Variants in DYNAP observed in about 807,000 individuals in gnomAD.
The protein encoded by DYNAP is dynactin associated protein, also known as dynactin-associated protein.
In DYNAP, 7 loss-of-function variants were observed where a neutral mutation model predicts 8.5. The ratio of observed to expected loss-of-function variants is 0.82; its 90% CI spans 0.47 to 1.54. The LOEUF is 1.54. Among genes scored for constraint, DYNAP ranks in the 40% most tolerant of loss-of-function variants. DYNAP has a pLI of 0.01. For synonymous variants in DYNAP, 77 were observed against 77.9 expected (o/e 0.99, Z 0.06); for missense variants, 256 against 224.3 (o/e 1.14, Z -0.90).
At position 54,597,823 on chromosome 18, in the gene DYNAP, A is replaced by G; in HGVS notation, c.233A>G (p.Tyr78Cys). ...TATATACATGCTTAGGTAAAAGAAT[A>G]TTGCCGCAATGACTGGTCTATGTGG... ...SESCNTQVKEYCRNDWSMWKV... is the reference protein window; with the variant it reads ...SESCNTQVKECCRNDWSMWKV... Residue 78 changes from tyrosine (Y) to cysteine (C), a missense_variant, in exon 3 of 3, where the codon TAT (tyrosine) becomes TGT (cysteine). By Grantham distance (194) the Tyr-to-Cys change is radical (BLOSUM62 -2). Transcript: ENST00000648945. 1 of 1,605,192 alleles carries G rather than the reference A, an allele frequency of 6.2e-7. No individual in the cohort carries two copies. The highest frequency in any genetic ancestry group is 1.1e-5 in the South Asian group (1 of 90,464).
chr18:54,576,948 A>C, the DYNAP span, among the ~76,000 whole-genome samples: 2 of 152,224 alleles, frequency 1.3e-5, no homozygotes, highest in African/African-American at 4.8e-5. Flanking sequence ...TTATTTGAAA[A>C]CTTTAAAATA....
At chr18:54,591,158 T>C (rs573102371), upstream of DYNAP, 19 of 1,578,900 alleles carry the variant, frequency 1.2e-5, no homozygotes, top group South Asian at 2.1e-4. Flanking sequence ...AATCCACACT[T>C]GTACTGATGC....
At chr18:54,580,472 A>G in the DYNAP span, among the ~76,000 whole-genome samples, 1 of 152,186 alleles carries the variant, frequency 6.6e-6, no homozygotes, top group Non-Finnish European at 1.5e-5. Flanking sequence ...AGCTACCACT[A>G]TTTCAGTTGA....
chr18:54,586,817 G>T (rs371725152), upstream of DYNAP, among the ~76,000 whole-genome samples: 1 of 152,310 alleles, frequency 6.6e-6, no homozygotes, highest in Middle Eastern at 3.4e-3. Context: ...GATTAGCTTT[G>T]AGCAGTGTGG....
chr18:54,593,756 C>T (rs1226802570), intron 1 of DYNAP, among the ~76,000 whole-genome samples: 3 of 152,096 alleles, frequency 2.0e-5, no homozygotes, highest in East Asian at 3.9e-4. Flanking sequence ...GAGACCCCAT[C>T]GCTATGAAAA....
upstream of DYNAP, among the ~76,000 whole-genome samples, chr18:54,585,082 G>A (rs73962616): frequency 2.0e-3 from 298 of 152,102 alleles, 1 homozygote; most frequent in African/African-American, 7.0e-3. Context: ...CATGAAACTG[G>A]GAGGACCATC....
At chr18:54,592,796 G>A (rs1599450190) in intron 1 of DYNAP, among the ~76,000 whole-genome samples, 1 of 152,106 alleles carries the variant, frequency 6.6e-6, no homozygotes, top group East Asian at 1.9e-4. Context: ...TGCAAACTGG[G>A]CCTAGATCAC....
At position 54,594,966 on chromosome 18, in the gene DYNAP, G is replaced by C. The variant is rs777720086; in HGVS notation, c.85G>C (p.Ala29Pro). 13 of 1,611,382 alleles carry C rather than the reference G, an allele frequency of 8.1e-6. No individual in the cohort carries two copies. The highest frequency in any genetic ancestry group is 1.1e-5 in the Non-Finnish European group (13 of 1,178,600). The change falls in exon 2 of 3, where the codon GCT (alanine) becomes CCT (proline). Residue 29 changes from alanine (A) to proline (P), a missense_variant. Ala to Pro is a conservative substitution (Grantham distance 27, BLOSUM62 -1). Coordinates refer to ENST00000648945, the MANE Select transcript of DYNAP (RefSeq NM_173629.3). Reference sequence around the variant, plus strand: ...AATCACACATCCAAATGACCAAGAGGCTCACAGTTCCATATGCTGGTGTCT... The same window carrying C: ...AATCACACATCCAAATGACCAAGAGCCTCACAGTTCCATATGCTGGTGTCT... ...PPITHPNDQE[A>P]HSSICWCLPS...
At chr18:54,588,913 G>T (rs1910971287), upstream of DYNAP, among the ~76,000 whole-genome samples, 1 of 152,072 alleles carries the variant, frequency 6.6e-6, no homozygotes, top group South Asian at 2.1e-4. Flanking sequence ...TTTTCACAAG[G>T]ATCTTTCATG....
intron 2 of DYNAP, among the ~76,000 whole-genome samples, chr18:54,595,590 T>C (rs377008679): frequency 6.6e-6 from 1 of 152,140 alleles, no homozygotes. Context: ...TTCTGGCCTC[T>C]GGTGTATACG....
In DYNAP at chr18:54,598,032, A is replaced by G. The variant is rs770910098; in HGVS notation, c.442A>G (p.Thr148Ala). Residue 148 changes from threonine (T) to alanine (A), a missense_variant, in exon 3 of 3, where the codon ACC becomes GCC. By Grantham distance (58) the Thr-to-Ala change is moderately conservative (BLOSUM62 0). Transcript: ENST00000648945. Reference protein sequence around the residue: ...TPSPACPPTMTTTSTVPASTA... With the variant: ...TPSPACPPTMATTSTVPASTA... ...CTCTCCTGCTTGTCCACCTACAATGACCACCACTTCAACTGTACCTGCAAG... is the reference window on the plus strand; with the variant it reads ...CTCTCCTGCTTGTCCACCTACAATGGCCACCACTTCAACTGTACCTGCAAG... The G allele has an allele frequency of 6.2e-7, 1 of 1,613,566 alleles. No homozygotes were observed. The highest frequency in any genetic ancestry group is 8.5e-7 in the Non-Finnish European group (1 of 1,179,770).
At chr18:54,592,150 A>G (rs1911101641) in intron 1 of DYNAP, among the ~76,000 whole-genome samples, 1 of 152,142 alleles carries the variant, frequency 6.6e-6, no homozygotes, top group African/African-American at 2.4e-5. Context: ...AGAATCCTAT[A>G]GAGGATTTCT....
the DYNAP span, among the ~76,000 whole-genome samples, chr18:54,581,466 G>A: frequency 6.6e-5 from 10 of 152,150 alleles, no homozygotes; most frequent in South Asian, 2.1e-4. Context: ...GCAGGAGTGC[G>A]GCAGGAATGT....
chr18:54,591,302 A>C lies in DYNAP; in HGVS notation c.20A>C (p.Lys7Thr). Residue 7 changes from lysine (K) to threonine (T), a missense_variant, in exon 1 of 3, where the codon AAA becomes ACA. Transcript: ENST00000648945. MDRKHG[K>T]YILNVEHSEN... ...TCAAGAATGGACAGAAAGCATGGAA[A>C]ATACATATTGAACGTTGAGCACTCT... is the stretch of plus-strand genomic sequence containing the variant. 1 of 1,612,380 alleles carries C rather than the reference A, an allele frequency of 6.2e-7. No individual in the cohort carries two copies. The highest frequency in any genetic ancestry group is 1.3e-5 in the African/African-American group (1 of 74,942).
chr18:54,576,428 T>C, the DYNAP span, among the ~76,000 whole-genome samples: 113 of 152,304 alleles, frequency 7.4e-4, 1 homozygote, highest in African/African-American at 2.3e-3. Context: ...TTAATTTTCA[T>C]CTGTCAGTGG....
the DYNAP span, among the ~76,000 whole-genome samples, chr18:54,576,999 T>C: frequency 6.6e-6 from 1 of 152,182 alleles, no homozygotes; most frequent in Non-Finnish European, 1.5e-5. Context: ...TGTGCTAGCT[T>C]TATGTAGAGT....
the DYNAP span, among the ~76,000 whole-genome samples, chr18:54,579,317 T>G: frequency 6.6e-6 from 1 of 152,234 alleles, no homozygotes; most frequent in African/African-American, 2.4e-5. Context: ...TTTTTAAGTT[T>G]GGTGTCTGGG....
upstream of DYNAP, among the ~76,000 whole-genome samples, chr18:54,585,962 G>A (rs1910863459): frequency 6.6e-6 from 1 of 152,152 alleles, no homozygotes; most frequent in African/African-American, 2.4e-5. Context: ...CCTGAACAGG[G>A]CTATGATGTT....
upstream of DYNAP, among the ~76,000 whole-genome samples, chr18:54,588,714 G>T (rs1003331874): frequency 4.6e-5 from 7 of 151,934 alleles, no homozygotes; most frequent in African/African-American, 1.7e-4. Flanking sequence ...ATTCAGTAAA[G>T]GAATACTTGG....
Sources: gnomAD v4.1 joint callset for allele counts (sites outside exome capture counted in the v4.1 genomes callset) on GRCh38, gnomAD v4.1.1 for gene constraint, MANE v1.5 for transcripts, NCBI Gene and HGNC (gene_info 2026-07-23, HGNC 2026-07-21) for gene names.